DRC8: variants seen among roughly 807,000 people sequenced by gnomAD.
DRC8 encodes the protein dynein regulatory complex protein 8.
At chr1:245,041,732 T>C in the DRC8 span, among the ~76,000 whole-genome samples, 32 of 152,210 alleles carry the variant, frequency 2.1e-4, no homozygotes, top group African/African-American at 5.8e-4. Context: ...AATGAGGCCA[T>C]TGGGGTGGGC....
the DRC8 span, among the ~76,000 whole-genome samples, chr1:244,974,919 CTTTATTTTTTTTATT>C: frequency 3.3e-5 from 5 of 151,724 alleles, no homozygotes; most frequent in African/African-American, 1.2e-4. Context: ...GTCTCAAACT[CTTTATTTTTTTTATT>C]TTTATTTTTT....
chr1:245,022,320 A>AT, the DRC8 span, among the ~76,000 whole-genome samples: 2,441 of 144,614 alleles, frequency 0.017, 23 homozygotes, highest in Middle Eastern at 0.04. Flanking sequence ...CCCCCGGCTA[A>AT]TTTTTTTTTT....
the DRC8 span, among the ~76,000 whole-genome samples, chr1:245,025,723 C>T: frequency 9.9e-5 from 15 of 152,160 alleles, no homozygotes; most frequent in African/African-American, 1.9e-4. Context: ...CTTGAATTGT[C>T]GCTGCCATTA....
At chr1:244,998,221 T>G in the DRC8 span, among the ~76,000 whole-genome samples, 2 of 152,128 alleles carry the variant, frequency 1.3e-5, no homozygotes, top group African/African-American at 4.8e-5. Flanking sequence ...TTTTCTTTTT[T>G]CTTTTGAGAC....
At chr1:245,061,264 CT>C in the DRC8 span, among the ~76,000 whole-genome samples, 1 of 152,172 alleles carries the variant, frequency 6.6e-6, no homozygotes, top group African/African-American at 2.4e-5. Flanking sequence ...TCAACTGTTA[CT>C]TGGTGGGCAT....
At chr1:245,094,427 G>A in the DRC8 span, among the ~76,000 whole-genome samples, 1 of 152,154 alleles carries the variant, frequency 6.6e-6, no homozygotes, top group African/African-American at 2.4e-5. Flanking sequence ...CACCTGTACG[G>A]TTAGTGATTG....
the DRC8 span, among the ~76,000 whole-genome samples, chr1:245,073,206 G>A: frequency 6.6e-6 from 1 of 152,088 alleles, no homozygotes; most frequent in Non-Finnish European, 1.5e-5. Context: ...CATGATCTTG[G>A]TTCACTGTAA....
chr1:245,071,754 T>C, the DRC8 span, among the ~76,000 whole-genome samples: 1 of 152,254 alleles, frequency 6.6e-6, no homozygotes, highest in African/African-American at 2.4e-5. Context: ...AGAAAGATTT[T>C]ACTTCAAAGA....
the DRC8 span, among the ~76,000 whole-genome samples, chr1:245,094,551 A>G: frequency 1.3e-5 from 2 of 152,270 alleles, no homozygotes; most frequent in South Asian, 2.1e-4. Context: ...TTTCTGCTGT[A>G]TGGACCCCAG....
chr1:245,052,151 C>G, the DRC8 span, among the ~76,000 whole-genome samples: 1 of 152,146 alleles, frequency 6.6e-6, no homozygotes, highest in Non-Finnish European at 1.5e-5. Flanking sequence ...GGGAGTTTGC[C>G]AGGAAGTCAA....
chr1:245,086,600 T>C, the DRC8 span: 2 of 435,594 alleles, frequency 4.6e-6, no homozygotes, highest in Non-Finnish European at 9.5e-6. Context: ...TCAGACAGTG[T>C]TTAGCAGCCG....
chr1:244,970,510 G>C, the DRC8 span: 1 of 1,505,652 alleles, frequency 6.6e-7, no homozygotes, highest in Non-Finnish European at 8.8e-7. Flanking sequence ...GCACGGGGAA[G>C]CGCCGGGTGG....
At chr1:245,119,794 G>A in the DRC8 span, among the ~76,000 whole-genome samples, 5 of 151,578 alleles carry the variant, frequency 3.3e-5, no homozygotes, top group South Asian at 8.4e-4. Flanking sequence ...TTAGCCACAC[G>A]TGGTGGCAGG....
At chr1:245,103,019 G>C in the DRC8 span, among the ~76,000 whole-genome samples, 1 of 149,128 alleles carries the variant, frequency 6.7e-6, no homozygotes, top group African/African-American at 2.6e-5. Context: ...GTCAGGAGGG[G>C]GGACCAGAGA....
At chr1:245,041,707 A>G in the DRC8 span, among the ~76,000 whole-genome samples, 3 of 152,270 alleles carry the variant, frequency 2.0e-5, no homozygotes, top group South Asian at 4.1e-4. Flanking sequence ...AACAAAAGGG[A>G]GGTGATTAAG....
chr1:245,105,581 C>T, the DRC8 span, among the ~76,000 whole-genome samples: 1 of 146,812 alleles, frequency 6.8e-6, no homozygotes, highest in African/African-American at 2.5e-5. Context: ...CATGATCACA[C>T]CATTGCGCTT....
chr1:245,104,487 G>A, the DRC8 span, among the ~76,000 whole-genome samples: 239 of 147,846 alleles, frequency 1.6e-3, 6 homozygotes, highest in Admixed American at 5.1e-3. Flanking sequence ...CTGGGGGACA[G>A]ATCGAGACTC....
the DRC8 span, among the ~76,000 whole-genome samples, chr1:244,991,484 T>C: frequency 6.6e-6 from 1 of 152,144 alleles, no homozygotes; most frequent in African/African-American, 2.4e-5. Flanking sequence ...TGGGGTCAGG[T>C]TTGGGGAATG....
the DRC8 span, among the ~76,000 whole-genome samples, chr1:245,049,045 G>A: frequency 6.6e-6 from 1 of 150,738 alleles, no homozygotes; most frequent in Non-Finnish European, 1.5e-5. This position sits in a 1 kb window ranked among gnomAD's most constrained non-coding sequence, Gnocchi z 4.5. Flanking sequence ...GAGTGCAGTA[G>A]CTCGATCTCG....
Sources: allele counts gnomAD v4.1 joint callset (sites outside exome capture counted in the v4.1 genomes callset), GRCh38; gene constraint gnomAD v4.1.1; non-coding constraint Gnocchi (gnomAD v3.1); transcripts MANE v1.5; gene names NCBI Gene and HGNC (gene_info 2026-07-23, HGNC 2026-07-21).